The following CCSER1 variants were observed in gnomAD, a reference collection of about 807,000 sequenced individuals.
CCSER1 encodes serine-rich coiled-coil domain-containing protein 1.
A neutral mutation model predicts 82.0 loss-of-function variants in CCSER1; 41 were observed. That is an observed-to-expected ratio of 0.50 (90% CI 0.39 to 0.65). The LOEUF (loss-of-function observed/expected upper bound fraction) is 0.65, where lower values mean the gene tolerates loss of function less well. Ranked by LOEUF, CCSER1 falls within the 30% of genes least tolerant of loss-of-function variation. CCSER1 has a pLI of 0.00. For synonymous variants in CCSER1, 414 were observed against 383.9 expected (o/e 1.08, Z -0.92); for missense variants, 1,119 against 1,064.2 (o/e 1.05, Z -0.72).
At chr4:90,723,758 A>G (rs559069752) in intron 6 of CCSER1, among the ~76,000 whole-genome samples, 156 bp from the exon 7 acceptor site, 7 of 152,118 alleles carry the variant, frequency 4.6e-5, no homozygotes, top group Middle Eastern at 3.4e-3. Context: ...GATTTATTAT[A>G]TAATTATGAT....
At chr4:90,216,393 A>G (rs1741037525) in intron 1 of CCSER1, among the ~76,000 whole-genome samples, 1 of 152,204 alleles carries the variant, frequency 6.6e-6, no homozygotes, top group South Asian at 2.1e-4. Flanking sequence ...ATAAGCTTCC[A>G]TTATTGAAGT....
At chr4:91,385,965 C>T (rs1046976592) in intron 10 of CCSER1, among the ~76,000 whole-genome samples, 4 of 151,062 alleles carry the variant, frequency 2.6e-5, no homozygotes, top group Non-Finnish European at 5.9e-5. Flanking sequence ...TTTATACATA[C>T]ACACACACAC....
At chr4:91,438,218 C>G (rs1306227406) in intron 10 of CCSER1, among the ~76,000 whole-genome samples, 2 of 152,224 alleles carry the variant, frequency 1.3e-5, no homozygotes, top group Admixed American at 1.3e-4. Context: ...AGCAGCCTAA[C>G]TGGGAGGCAC....
At chr4:90,319,990 T>C (rs1316151006) in intron 3 of CCSER1, among the ~76,000 whole-genome samples, 8 of 152,250 alleles carry the variant, frequency 5.3e-5, no homozygotes, top group African/African-American at 1.9e-4. Context: ...TTTAGGTTAA[T>C]AGCCCTAATC....
chr4:90,146,850 TA>T (rs1229369595), intron 1 of CCSER1, among the ~76,000 whole-genome samples: 2 of 152,120 alleles, frequency 1.3e-5, no homozygotes, highest in African/African-American at 4.8e-5. Flanking sequence ...TCAATGCTGC[TA>T]ATAGTTTCTG....
chr4:90,475,621 G>A (rs1490509629), intron 5 of CCSER1, among the ~76,000 whole-genome samples: 3 of 152,126 alleles, frequency 2.0e-5, no homozygotes, highest in Non-Finnish European at 4.4e-5. Context: ...AGAAAACCTC[G>A]AGGGTGAAAA....
rs375374756 is a variant in CCSER1 at position 90,558,226 on chromosome 4, G to T, written c.1725-69799G>T. Among the ~76,000 whole-genome samples the T allele has an allele frequency of 6.6e-5, 10 of 152,096 alleles. No homozygotes were observed. The East Asian group carries it at 1.9e-3, about 29-fold the overall frequency. On this transcript the variant is annotated intron_variant, in intron 5 of 10. Transcript: ENST00000509176. The stretch of plus-strand genomic sequence containing the variant: ...GTGTTTCTTTCTCTAGCATAGCTGG[G>T]TTGCAATTAAAAAGAAAACAGACAT...
chr4:90,542,081 A>T (rs1776178210), intron 5 of CCSER1, among the ~76,000 whole-genome samples: 1 of 152,090 alleles, frequency 6.6e-6, no homozygotes. Context: ...TCAATATTTC[A>T]ATCAGATTTT....
chr4:91,412,972 A>G (rs576256821), intron 10 of CCSER1, among the ~76,000 whole-genome samples: 40 of 152,222 alleles, frequency 2.6e-4, no homozygotes, highest in Admixed American at 2.6e-3. Context: ...ACAGATAACT[A>G]AATGATATTA....
At chr4:90,526,417 T>A (rs983698845) in intron 5 of CCSER1, among the ~76,000 whole-genome samples, 2 of 152,166 alleles carry the variant, frequency 1.3e-5, no homozygotes, top group African/African-American at 4.8e-5. Context: ...TTTTTTCTTA[T>A]ACTTTAATTT....
At chr4:91,360,945 G>A (rs1749205255) in intron 10 of CCSER1, among the ~76,000 whole-genome samples, 1 of 151,850 alleles carries the variant, frequency 6.6e-6, no homozygotes, top group African/African-American at 2.4e-5. Flanking sequence ...TTTAGACAGT[G>A]TAGTTATGTG....
At chr4:91,372,610 A>G (rs1750122863) in intron 10 of CCSER1, among the ~76,000 whole-genome samples, 1 of 152,102 alleles carries the variant, frequency 6.6e-6, no homozygotes, top group African/African-American at 2.4e-5. Context: ...TATGGTATAA[A>G]CAGAATAAAG....
intron 10 of CCSER1, among the ~76,000 whole-genome samples, chr4:91,407,628 C>CG (rs1328499784): frequency 6.6e-6 from 1 of 152,098 alleles, no homozygotes; most frequent in Non-Finnish European, 1.5e-5. Context: ...GCTTCTGATG[C>CG]GGGAGCTTCA....
chr4:91,544,034 C>T (rs539707241), intron 10 of CCSER1, among the ~76,000 whole-genome samples: 2 of 152,062 alleles, frequency 1.3e-5, no homozygotes, highest in Admixed American at 6.6e-5. Flanking sequence ...CTTCTCTTCT[C>T]GCTCCATTTC....
chr4:90,866,167 A>G lies in CCSER1; in HGVS notation c.2094+50322A>G, dbSNP rs980160822. On this transcript the variant is annotated intron_variant, in intron 8 of 10. Coordinates refer to ENST00000509176, the MANE Select transcript of CCSER1 (RefSeq NM_001145065.2). Reference sequence around the variant, plus strand: ...TTGAGTGGCAACAGAGATGCAAACCATATCACTCCCCCATGCTTGTTCCCT... The same window carrying G: ...TTGAGTGGCAACAGAGATGCAAACCGTATCACTCCCCCATGCTTGTTCCCT... 3.9e-5 allele frequency among the ~76,000 whole-genome samples: 6 copies of G among 152,018 alleles called. No homozygotes were observed. In the South Asian group the frequency reaches 8.3e-4, roughly 21 times the overall value.
intron 10 of CCSER1, among the ~76,000 whole-genome samples, chr4:91,400,116 T>C (rs1752228486): frequency 1.3e-5 from 2 of 152,118 alleles, no homozygotes; most frequent in Middle Eastern, 3.4e-3. Flanking sequence ...AAGACGCAAA[T>C]GTGCAGTTGC....
intron 1 of CCSER1, among the ~76,000 whole-genome samples, chr4:90,194,502 C>T (rs78595736): frequency 1.6e-4 from 25 of 151,872 alleles, no homozygotes; most frequent in South Asian, 1.2e-3. Context: ...TTTTTATTTT[C>T]GCCTGCTTTA....
At chr4:90,228,055 C>T (rs562826620) in intron 1 of CCSER1, among the ~76,000 whole-genome samples, 6 of 152,324 alleles carry the variant, frequency 3.9e-5, no homozygotes, top group African/African-American at 1.2e-4. Context: ...GAGGGGCGCC[C>T]GCCATTGCCC....
At chr4:90,907,253 A>T (rs756419564) in intron 8 of CCSER1, among the ~76,000 whole-genome samples, 1 of 152,118 alleles carries the variant, frequency 6.6e-6, no homozygotes, top group Non-Finnish European at 1.5e-5. Flanking sequence ...CAGTTTATAG[A>T]TGAATAAAAG....
Sources: allele counts gnomAD v4.1 joint callset (sites outside exome capture counted in the v4.1 genomes callset), GRCh38; gene constraint gnomAD v4.1.1; transcripts MANE v1.5; gene names NCBI Gene and HGNC (gene_info 2026-07-23, HGNC 2026-07-21).